The following CFAP77 variants were observed in gnomAD, a reference collection of about 807,000 sequenced individuals.
CFAP77 encodes cilia- and flagella-associated protein 77.
CFAP77 carries 25 observed loss-of-function variants against 31.1 expected under a neutral mutation model. That is an observed-to-expected ratio of 0.80 (90% confidence interval 0.59 to 1.12). CFAP77 has a LOEUF of 1.12. CFAP77 is among the 50% of genes most tolerant of loss of function. The pLI is 0.00. For synonymous variants in CFAP77, 151 were observed against 159.9 expected (o/e 0.94, Z 0.42); for missense variants, 377 against 397.3 (o/e 0.95, Z 0.44).
intron 5 of CFAP77, among the ~76,000 whole-genome samples, chr9:132,558,884 C>T (rs893526280): frequency 4.1e-5 from 6 of 145,408 alleles, no homozygotes; most frequent in Admixed American, 1.4e-4. Context: ...CGTGATGGCA[C>T]GCACCTGTAA....
intron 1 of CFAP77, among the ~76,000 whole-genome samples, chr9:132,437,772 A>G (rs1023406483): frequency 4.6e-5 from 7 of 150,926 alleles, no homozygotes; most frequent in Non-Finnish European, 7.4e-5. Context: ...TGGGCTCCCA[A>G]AGTGCTGGGA....
At chr9:132,434,059 A>C (rs927475701) in intron 1 of CFAP77, among the ~76,000 whole-genome samples, 1 of 151,722 alleles carries the variant, frequency 6.6e-6, no homozygotes, top group Non-Finnish European at 1.5e-5. Flanking sequence ...GGATCGCTTG[A>C]GCCAAGGAGG....
chr9:132,440,865 A>G (rs755526001), intron 1 of CFAP77, among the ~76,000 whole-genome samples: 20 of 152,126 alleles, frequency 1.3e-4, no homozygotes, highest in Non-Finnish European at 2.5e-4. Context: ...AGGCTGCCCT[A>G]TTTTACATAG....
At position 132,498,650 on chromosome 9, in the gene CFAP77, T is replaced by C; in HGVS notation, c.196-45T>C. The C allele has an allele frequency of 7.0e-7, 1 of 1,438,204 alleles. No homozygotes were observed. The highest frequency in any genetic ancestry group is 9.7e-7 in the Non-Finnish European group (1 of 1,032,820). 89.1% of individuals were successfully genotyped at this position (1,438,204 alleles called of 1,614,324 possible). On this transcript the variant is annotated intron_variant, in intron 1 of 5. Coordinates refer to ENST00000393216, the MANE Select transcript of CFAP77 (RefSeq NM_001282957.2). The surrounding 1 kb of genome is among the most constrained non-coding windows in gnomAD (Gnocchi z 4.2). ...CTGCCGGATTACAATACATTTGGTCTGAGACTCCACTCCTCACCTCTGCTC... is the reference window on the plus strand; with the variant it reads ...CTGCCGGATTACAATACATTTGGTCCGAGACTCCACTCCTCACCTCTGCTC...
intron 1 of CFAP77, among the ~76,000 whole-genome samples, chr9:132,432,690 C>A (rs550678160): frequency 2.0e-5 from 3 of 151,730 alleles, no homozygotes; most frequent in Non-Finnish European, 4.4e-5. Flanking sequence ...CGCCACCACA[C>A]CCAGCTAATT....
intron 1 of CFAP77, among the ~76,000 whole-genome samples, chr9:132,478,085 AC>A (rs1271991951): frequency 6.6e-6 from 1 of 151,878 alleles, no homozygotes; most frequent in Non-Finnish European, 1.5e-5. Flanking sequence ...CTGTGTCCCC[AC>A]CCAAATCTCA....
In CFAP77 at chr9:132,498,578, G is replaced by A; in HGVS notation, c.196-117G>A. 1.3e-6 allele frequency: 1 copy of A among 766,882 alleles called. No homozygotes were observed. Among genetic ancestry groups the A allele is most frequent in the African/African-American group, 1.7e-5 (1 of 58,172 alleles). The allele number at this position is 766,882 out of a possible 1,614,324, so 47.5% of individuals were successfully genotyped here. On this transcript the variant is annotated intron_variant, in intron 1 of 5. Coordinates refer to ENST00000393216, the MANE Select transcript of CFAP77 (RefSeq NM_001282957.2). This position sits in a 1 kb window ranked among gnomAD's most constrained non-coding sequence, Gnocchi z 4.2. The stretch of plus-strand genomic sequence containing the variant: ...CCACCCACTCCTGTGCCACCCTGAA[G>A]GCCACGGCAGGGCCTGGGGGAAATG...
chr9:132,458,341 G>T, intron 1 of CFAP77, among the ~76,000 whole-genome samples: 1 of 136,284 alleles, frequency 7.3e-6, no homozygotes. Flanking sequence ...TGTCTCCCTG[G>T]CGGGGGAGGG....
intron 1 of CFAP77, among the ~76,000 whole-genome samples, chr9:132,467,572 A>G (rs1851177464): frequency 2.6e-5 from 4 of 152,156 alleles, no homozygotes; most frequent in Admixed American, 1.3e-4. Flanking sequence ...TGGAGGGACT[A>G]TATGTTGTTT....
chr9:132,537,582 C>A lies in CFAP77; in HGVS notation c.525-19C>A. On this transcript the variant is annotated intron_variant, in intron 3 of 5. Transcript: ENST00000393216. Reference sequence around the variant, plus strand: ...GTCTTTCCGGGGCCTCAAGCTCTGTCTGGACTTCTTCCCTCCAGGCCTTCC... The same window carrying A: ...GTCTTTCCGGGGCCTCAAGCTCTGTATGGACTTCTTCCCTCCAGGCCTTCC... The A allele has an allele frequency of 6.3e-7, 1 of 1,596,962 alleles. No homozygotes were observed. Among genetic ancestry groups the A allele is most frequent in the Non-Finnish European group, 8.6e-7 (1 of 1,168,674 alleles).
intron 1 of CFAP77, among the ~76,000 whole-genome samples, chr9:132,486,038 ATATG>A (rs1367290710): frequency 0.013 from 468 of 35,952 alleles, 25 homozygotes; most frequent in African/African-American, 0.047. Flanking sequence ...ATATATATAT[ATATG>A]TATGTATATG....
chr9:132,476,987 C>A (rs1851355858), intron 1 of CFAP77, among the ~76,000 whole-genome samples: 1 of 152,198 alleles, frequency 6.6e-6, no homozygotes, highest in South Asian at 2.1e-4. Context: ...AATGCATGAT[C>A]AGGTCTTCCC....
At chr9:132,471,992 G>A (rs531707995) in intron 1 of CFAP77, among the ~76,000 whole-genome samples, 3 of 152,320 alleles carry the variant, frequency 2.0e-5, no homozygotes, top group African/African-American at 7.2e-5. Flanking sequence ...GATTACAGGT[G>A]TGAGCCACTG....
chr9:132,474,713 G>T (rs1227966611), intron 1 of CFAP77, among the ~76,000 whole-genome samples: 1 of 152,198 alleles, frequency 6.6e-6, no homozygotes, highest in Non-Finnish European at 1.5e-5. Flanking sequence ...AGGTTGAGAA[G>T]AAGGCAGGCA....
intron 3 of CFAP77, among the ~76,000 whole-genome samples, chr9:132,514,749 C>T (rs1197903546): frequency 3.3e-5 from 5 of 152,294 alleles, no homozygotes; most frequent in Admixed American, 1.3e-4. Flanking sequence ...TATGTTGGAT[C>T]CACAAACAAT....
intron 5 of CFAP77, among the ~76,000 whole-genome samples, chr9:132,572,117 C>T (rs75931839): frequency 0.04 from 6,089 of 152,094 alleles, 196 homozygotes; most frequent in Non-Finnish European, 0.056. Context: ...ATTGCGTGGT[C>T]GTCTGGTCAT....
At chr9:132,479,319 C>G (rs1444188490) in intron 1 of CFAP77, among the ~76,000 whole-genome samples, 3 of 152,146 alleles carry the variant, frequency 2.0e-5, no homozygotes, top group Non-Finnish European at 4.4e-5. Flanking sequence ...GAGCTCAGAC[C>G]TTTTCCCCCA....
intron 3 of CFAP77, among the ~76,000 whole-genome samples, chr9:132,507,839 A>G (rs538761653): frequency 4.3e-4 from 66 of 152,250 alleles, no homozygotes; most frequent in African/African-American, 1.5e-3. Context: ...TCTGACCACA[A>G]GGGGGAGCAT....
chr9:132,439,211 G>A (rs1428142819), intron 1 of CFAP77, among the ~76,000 whole-genome samples: 3 of 152,140 alleles, frequency 2.0e-5, no homozygotes, highest in Admixed American at 6.5e-5. Flanking sequence ...GGAAGCAGTT[G>A]AACATGATGT....
Sources: gnomAD v4.1 joint callset for allele counts (sites outside exome capture counted in the v4.1 genomes callset) on GRCh38, gnomAD v4.1.1 for gene constraint, Gnocchi (gnomAD v3.1) non-coding constraint, MANE v1.5 for transcripts, NCBI Gene and HGNC (gene_info 2026-07-23, HGNC 2026-07-21) for gene names.